The following EML3 variants were observed in gnomAD, a reference collection of about 807,000 sequenced individuals.
EML3 encodes the protein echinoderm microtubule-associated protein-like 3.
A neutral mutation model predicts 106.7 loss-of-function variants in EML3; 53 were observed. The observed-to-expected ratio is 0.50, with a 90% CI of 0.40 to 0.62. The LOEUF (loss-of-function observed/expected upper bound fraction) is 0.62. EML3 is among the 20% of genes least tolerant of loss of function. The probability of loss-of-function intolerance (pLI) is 0.00; values close to 1 mark genes in which losing one functional copy is unlikely to be tolerated. For missense variants in EML3, 994 were observed against 1,209.1 expected, an observed-to-expected ratio of 0.82 and a Z score of 2.64; for synonymous variants, 499 against 489.6, an observed-to-expected ratio of 1.02 and a Z score of -0.25.
Position 62,607,799 on chromosome 11 carries a change from G to C in EML3, c.1229C>G (p.Ala410Gly), listed in dbSNP as rs1202993187. The C allele has an allele frequency of 6.2e-7, 1 of 1,613,790 alleles. No individual in the cohort carries two copies. Among genetic ancestry groups the C allele is most frequent in the African/African-American group, 1.3e-5 (1 of 74,860 alleles). The change falls in exon 11 of 22, where the codon GCC becomes GGC. Residue 410 changes from alanine to glycine, a missense_variant. Coordinates refer to ENST00000394773, the MANE Select transcript of EML3 (RefSeq NM_153265.3). Reference protein sequence around the residue: ...EIKSTNDSVLAVGFNPRDSSC... With the variant: ...EIKSTNDSVLGVGFNPRDSSC... ...GCTGTCACGAGGGTTGAAGCCAACG[G>C]CCAGGACTGAGTCATTTGTACTCTG...
At position 62,609,339 on chromosome 11, in the gene EML3, G is replaced by T; in HGVS notation, c.758+15C>A. 3 of 1,549,880 alleles carry T rather than the reference G, an allele frequency of 1.9e-6. No individual in the cohort carries two copies. Among genetic ancestry groups the T allele is most frequent in the South Asian group, 1.2e-5 (1 of 81,050 alleles). On this transcript the variant is annotated intron_variant, in intron 6 of 21. Transcript: ENST00000394773. ...GAGAAAGGTGGTTCTCATGGGACTG[G>T]AAGGGGCAGGATACACCCAGTCAAG...
In EML3 at chr11:62,602,276, G is replaced by A; in HGVS notation, c.*199C>T. On this transcript the variant is annotated 3_prime_UTR_variant, in exon 22 of 22. Coordinates refer to ENST00000394773, the MANE Select transcript of EML3 (RefSeq NM_153265.3). ...GGCAGCGGGAGTCAAGGCCTAGGCT[G>A]GGGCTGCCCGGCTCAGCCAGCGGGT... The A allele has an allele frequency of 6.5e-7, 1 of 1,550,304 alleles. No individual in the cohort carries two copies. Among genetic ancestry groups the A allele is most frequent in the South Asian group, 1.2e-5 (1 of 84,016 alleles).
chr11:62,605,807 C>T lies in EML3; in HGVS notation c.1783-34G>A. The T allele has an allele frequency of 6.2e-7, 1 of 1,608,088 alleles. No homozygotes were observed. The highest frequency in any genetic ancestry group is 8.5e-7 in the Non-Finnish European group (1 of 1,176,428). On this transcript the variant is annotated intron_variant, in intron 14 of 21. Coordinates refer to ENST00000394773, the MANE Select transcript of EML3 (RefSeq NM_153265.3). This position sits in a 1 kb window ranked among gnomAD's most constrained non-coding sequence, Gnocchi z 5.2. ...CAGCATGACTGTCACTCCTGCCCCTCTCTCACACCCCTTTGTCCCTTCCTC... is the reference window on the plus strand; with the variant it reads ...CAGCATGACTGTCACTCCTGCCCCTTTCTCACACCCCTTTGTCCCTTCCTC...
Position 62,603,727 on chromosome 11 carries a change from A to G in EML3, c.2257+2T>C, listed in dbSNP as rs1321778559. On this transcript the variant is annotated splice_donor_variant, in intron 19 of 21. Coordinates refer to ENST00000394773, the MANE Select transcript of EML3 (RefSeq NM_153265.3). LOFTEE classifies it high-confidence loss of function. The stretch of plus-strand genomic sequence containing the variant: ...CCCATGTCCTGCTCCACTGCCACTC[A>G]CAGTAAAGAATCTCATAGTCCCCAG... The G allele has an allele frequency of 2.5e-6, 4 of 1,613,628 alleles. No individual in the cohort carries two copies. Among genetic ancestry groups the G allele is most frequent in the Non-Finnish European group, 3.4e-6 (4 of 1,179,650 alleles).
chr11:62,603,331 G>A (rs945839180), intron 19 of EML3, 84 bp from the exon 20 acceptor site: 1 of 1,328,906 alleles, frequency 7.5e-7, no homozygotes, highest in Non-Finnish European at 1.1e-6. Flanking sequence ...TGGAAAGACT[G>A]GCATGAAACC....
chr11:62,602,340 G>C lies in EML3; in HGVS notation c.*135C>G. 1.9e-6 allele frequency: 3 copies of C among 1,551,124 alleles called. No homozygotes were observed. The highest frequency in any genetic ancestry group is 2.6e-6 in the Non-Finnish European group (3 of 1,146,780). On this transcript the variant is annotated 3_prime_UTR_variant, in exon 22 of 22. Coordinates refer to ENST00000394773, the MANE Select transcript of EML3 (RefSeq NM_153265.3). ...GCAGGGGCGCCGTTCGCGCCCTCCA[G>C]GAAAATGCGCGATCGGGAATGTCTC...
chr11:62,612,610 G>A lies in EML3; in HGVS notation c.-153C>T, dbSNP rs969958801. On this transcript the variant is annotated 5_prime_UTR_variant, in exon 1 of 22. Transcript: ENST00000394773. The stretch of plus-strand genomic sequence containing the variant: ...GGGGGCGCTGTCGGGCGCGGGGAAG[G>A]GGCCTGGAGGGGGCGCTGTGGGCCC... 1.2e-5 allele frequency: 8 copies of A among 664,080 alleles called. No individual in the cohort carries two copies. Among genetic ancestry groups the A allele is most frequent in the Middle Eastern group, 4.6e-4 (1 of 2,176 alleles). The allele number at this position is 664,080 out of a possible 1,614,324, so 41.1% of individuals were successfully genotyped here.
chr11:62,603,305 C>T, intron 19 of EML3, 58 bp from the exon 20 acceptor site: 2 of 1,496,156 alleles, frequency 1.3e-6, no homozygotes, highest in Non-Finnish European at 9.3e-7. Context: ...AGGGAAGATG[C>T]CAGGGAAAGC....
chr11:62,608,227 G>A lies in EML3; in HGVS notation c.1180C>T (p.Arg394Trp), dbSNP rs772575897. 5 of 1,613,732 alleles carry A rather than the reference G, an allele frequency of 3.1e-6. No individual in the cohort carries two copies. The highest frequency in any genetic ancestry group is 3.3e-5 in the Admixed American group (2 of 59,984). ...TTGATCTCAGCCAGCTTCATTCCCC[G>A]GCTGCAGTCCCACACCGACAGCATG... is the stretch of plus-strand genomic sequence containing the variant. ...EHMLSVWDCSRGMKLAEIKST... is the reference protein window; with the variant it reads ...EHMLSVWDCSWGMKLAEIKST... The change falls in exon 10 of 22, where the codon CGG becomes TGG. Residue 394 changes from arginine to tryptophan, a missense_variant. By Grantham distance (101) the Arg-to-Trp change is moderately radical (BLOSUM62 -3). Around this residue, in one of 3 missense-constraint regions of EML3, gnomAD observed 713 missense variants for 920.5 expected, o/e 0.77. Coordinates refer to ENST00000394773, the MANE Select transcript of EML3 (RefSeq NM_153265.3).
intron 4 of EML3, 108 bp from the exon 5 acceptor site, chr11:62,609,804 G>A: frequency 1.0e-6 from 1 of 955,422 alleles, no homozygotes; most frequent in South Asian, 1.7e-5. Context: ...AGTCACTTCT[G>A]CAAGCCTGTA....
Position 62,602,331 on chromosome 11 carries a change from C to A in EML3, c.*144G>T, listed in dbSNP as rs1217585951. On this transcript the variant is annotated 3_prime_UTR_variant, in exon 22 of 22. Coordinates refer to ENST00000394773, the MANE Select transcript of EML3 (RefSeq NM_153265.3). The stretch of plus-strand genomic sequence containing the variant: ...ACAGTGTGTGCAGGGGCGCCGTTCG[C>A]GCCCTCCAGGAAAATGCGCGATCGG... The A allele has an allele frequency of 4.5e-6, 7 of 1,551,062 alleles. No homozygotes were observed. The highest frequency in any genetic ancestry group is 6.1e-6 in the Non-Finnish European group (7 of 1,146,902).
intron 4 of EML3, among the ~76,000 whole-genome samples, chr11:62,610,638 G>T (rs1942762432): frequency 6.6e-6 from 1 of 152,184 alleles, no homozygotes; most frequent in Non-Finnish European, 1.5e-5. Flanking sequence ...TTCCTCACCT[G>T]TGCAATGAGC....
In EML3 at chr11:62,609,688, C is replaced by A. The variant is rs199631175; in HGVS notation, c.575G>T (p.Gly192Val). ...VRSGSTESRGGKDPLSSPGGP... is the reference protein window; with the variant it reads ...VRSGSTESRGVKDPLSSPGGP... Reference sequence around the variant, plus strand: ...CCCAGGGCTGGAGAGGGGGTCTTTTCCCCCACGGCTGTTGGGAAGAGAGAA... The same window carrying A: ...CCCAGGGCTGGAGAGGGGGTCTTTTACCCCACGGCTGTTGGGAAGAGAGAA... The change falls in exon 5 of 22, where the codon GGA becomes GTA. Residue 192 changes from glycine (G) to valine (V), a missense_variant. By Grantham distance (109) the Gly-to-Val change is moderately radical. Around this residue, in one of 3 missense-constraint regions of EML3, gnomAD observed 269 missense variants for 265.1 expected, o/e 1.01. Coordinates refer to ENST00000394773, the MANE Select transcript of EML3 (RefSeq NM_153265.3). 1 of 1,599,934 alleles carries A rather than the reference C, an allele frequency of 6.3e-7. No homozygotes were observed. The highest frequency in any genetic ancestry group is 8.5e-7 in the Non-Finnish European group (1 of 1,174,066).
chr11:62,608,087 C>T lies in EML3; in HGVS notation c.1206+114G>A, dbSNP rs186843141. The T allele has an allele frequency of 5.1e-3, 5,401 of 1,063,164 alleles. 23 individuals are homozygous for T. The highest frequency in any genetic ancestry group is 6.5e-3 in the Non-Finnish European group (4,621 of 705,592). 65.9% of individuals were successfully genotyped at this position (1,063,164 alleles called of 1,614,324 possible). A position where few individuals can be genotyped will look rare whatever the true frequency, so the allele number is the denominator to read the frequency against. Reference sequence around the variant, plus strand: ...GGGTCAGAGAAGCTAGGAGATTTGCCCCATGTGACCCAGCCAAAAAGGAAG... The same window carrying T: ...GGGTCAGAGAAGCTAGGAGATTTGCTCCATGTGACCCAGCCAAAAAGGAAG... On this transcript the variant is annotated intron_variant, in intron 10 of 21. Coordinates refer to ENST00000394773, the MANE Select transcript of EML3 (RefSeq NM_153265.3).
In EML3 at chr11:62,603,136, C is replaced by T. The variant is rs1237325011; in HGVS notation, c.2356+13G>A. On this transcript the variant is annotated intron_variant, in intron 20 of 21. Transcript: ENST00000394773. The stretch of plus-strand genomic sequence containing the variant: ...CCCCCACCCTTCCAGCAGGTTTCCA[C>T]GCCCCTGCTCACCGTAGACGTGAAA... 3 of 1,613,268 alleles carry T rather than the reference C, an allele frequency of 1.9e-6. No homozygotes were observed. Among genetic ancestry groups the T allele is most frequent in the South Asian group, 1.1e-5 (1 of 91,072 alleles).
chr11:62,606,207 A>G lies in EML3; in HGVS notation c.1512T>C (p.Tyr504=), dbSNP rs1286789439. ...GAGCGTGAGCCTGGGCCACAATCCCATAGGTCTCTGTTGGCAAAGCCCCAG... is the reference window on the plus strand; with the variant it reads ...GAGCGTGAGCCTGGGCCACAATCCCGTAGGTCTCTGTTGGCAAAGCCCCAG... ...TPGRGGAKET[Y]GIVAQAHAHE... Residue 504 remains tyrosine, a synonymous_variant, in exon 13 of 22, where the codon TAT becomes TAC. Transcript: ENST00000394773. The G allele has an allele frequency of 2.5e-6, 4 of 1,613,786 alleles. No individual in the cohort carries two copies. Among genetic ancestry groups the G allele is most frequent in the Non-Finnish European group, 3.4e-6 (4 of 1,179,974 alleles).
Position 62,609,812 on chromosome 11 carries a change from G to A in EML3, c.567-116C>T. The A allele has an allele frequency of 6.8e-6, 6 of 883,878 alleles. No individual in the cohort carries two copies. In the East Asian group the frequency reaches 1.6e-4, roughly 24 times the overall value. The allele number at this position is 883,878 out of a possible 1,614,324, so 54.8% of individuals were successfully genotyped here. A position where few individuals can be genotyped will look rare whatever the true frequency, so the allele number is the denominator to read the frequency against. On this transcript the variant is annotated intron_variant, in intron 4 of 21. Transcript: ENST00000394773. ...AAACCACAGTCACTTCTGCAAGCCTGTAGTTTGCTTCGTGAGTATCAGGGC... is the reference window on the plus strand; with the variant it reads ...AAACCACAGTCACTTCTGCAAGCCTATAGTTTGCTTCGTGAGTATCAGGGC...
chr11:62,602,416 G>C lies in EML3; in HGVS notation c.*59C>G. On this transcript the variant is annotated 3_prime_UTR_variant, in exon 22 of 22. Transcript: ENST00000394773. ...CCCTAGTCGTGGGGGATTGGGCCAGGGAAGGGCAGGGCGGGGCGGGGCCAC... is the reference window on the plus strand; with the variant it reads ...CCCTAGTCGTGGGGGATTGGGCCAGCGAAGGGCAGGGCGGGGCGGGGCCAC... The C allele has an allele frequency of 6.5e-7, 1 of 1,549,718 alleles. No homozygotes were observed. The highest frequency in any genetic ancestry group is 8.7e-7 in the Non-Finnish European group (1 of 1,145,914).
At position 62,602,496 on chromosome 11, in the gene EML3, G is replaced by A. The variant is rs1395800662; in HGVS notation, c.2670C>T (p.Pro890=). 1 of 1,529,836 alleles carries A rather than the reference G, an allele frequency of 6.5e-7. No individual in the cohort carries two copies. The highest frequency in any genetic ancestry group is 1.4e-5 in the African/African-American group (1 of 72,054). The allele number at this position is 1,529,836 out of a possible 1,614,324, so 94.8% of individuals were successfully genotyped here. Reference sequence around the variant, plus strand: ...GCGATCAAACGTCGAGGGAGGAGGCGGGGGACAGGGAGGGGGTTCGAGAGG... The same window carrying A: ...GCGATCAAACGTCGAGGGAGGAGGCAGGGGACAGGGAGGGGGTTCGAGAGG... ...ATPSRTPSLS[P]ASSLDV Residue 890 remains proline, a synonymous_variant, in exon 22 of 22, where the codon CCC becomes CCT. Transcript: ENST00000394773.
Sources: allele counts gnomAD v4.1 joint callset (sites outside exome capture counted in the v4.1 genomes callset), GRCh38; gene constraint gnomAD v4.1.1; regional missense constraint gnomAD v4.1.1; non-coding constraint Gnocchi (gnomAD v3.1); transcripts MANE v1.5; gene names NCBI Gene and HGNC (gene_info 2026-07-23, HGNC 2026-07-21).